Variants in RETREG1 observed in about 807,000 individuals in gnomAD.
RETREG1 encodes reticulophagy regulator 1.
RETREG1 carries 44 observed loss-of-function variants against 54.8 expected under a neutral mutation model. That is an observed-to-expected ratio of 0.80 (90% CI 0.63 to 1.03). RETREG1 has a LOEUF of 1.03. RETREG1 is among the 50% of genes least tolerant of loss of function. RETREG1 has a pLI of 0.00. For synonymous variants in RETREG1, 217 were observed against 238.5 expected (o/e 0.91, Z 0.83); for missense variants, 554 against 605.1 (o/e 0.92, Z 0.89).
chr5:16,578,169 T>C (rs1293400431), intron 1 of RETREG1, among the ~76,000 whole-genome samples: 3 of 152,206 alleles, frequency 2.0e-5, no homozygotes, highest in African/African-American at 7.2e-5. Context: ...GATAATAAAG[T>C]ACTTCAAAGG....
chr5:16,615,163 C>T (rs1224929748), intron 1 of RETREG1, among the ~76,000 whole-genome samples: 1 of 151,824 alleles, frequency 6.6e-6, no homozygotes. Flanking sequence ...TTTGGGAGGC[C>T]GAGGCGGACG....
At chr5:16,604,609 G>A (rs1447897632) in intron 1 of RETREG1, among the ~76,000 whole-genome samples, 1 of 152,120 alleles carries the variant, frequency 6.6e-6, no homozygotes, top group Non-Finnish European at 1.5e-5. Flanking sequence ...TCATCTTTCA[G>A]GTGAAAGGTC....
At chr5:16,510,760 A>C (rs1740144875) in intron 3 of RETREG1, among the ~76,000 whole-genome samples, 1 of 146,244 alleles carries the variant, frequency 6.8e-6, no homozygotes, top group Non-Finnish European at 1.5e-5. Context: ...ACTGCACTCC[A>C]GTCTAGGTGA....
chr5:16,616,616 C>T, intron 1 of RETREG1, 36 bp downstream of exon 1: 1 of 1,557,528 alleles, frequency 6.4e-7, no homozygotes, highest in Non-Finnish European at 8.6e-7. Flanking sequence ...AGGTCACCTG[C>T]CCTCCTCAGC....
intron 3 of RETREG1, among the ~76,000 whole-genome samples, chr5:16,547,161 G>A (rs955831366): frequency 1.8e-4 from 27 of 152,218 alleles, no homozygotes; most frequent in Non-Finnish European, 1.5e-5. Context: ...CCACAGGGAA[G>A]GTGGCCCCAA....
intron 8 of RETREG1, among the ~76,000 whole-genome samples, chr5:16,476,021 T>C (rs1738523910): frequency 6.6e-6 from 1 of 152,200 alleles, no homozygotes; most frequent in African/African-American, 2.4e-5. Flanking sequence ...TGAGATGGGA[T>C]GCTTAAGAAC....
chr5:16,615,412 A>AAAAAAG (rs1554026582), intron 1 of RETREG1, among the ~76,000 whole-genome samples: 4 of 150,204 alleles, frequency 2.7e-5, no homozygotes, highest in East Asian at 1.9e-4. Context: ...AAAAAAAAAA[A>AAAAAAG]AAAGAAAGAA....
intron 3 of RETREG1, among the ~76,000 whole-genome samples, chr5:16,520,925 A>G (rs1740516124): frequency 6.6e-6 from 1 of 152,104 alleles, no homozygotes; most frequent in South Asian, 2.1e-4. Context: ...GGAGAGGGAC[A>G]GGGGGCAGTT....
intron 3 of RETREG1, among the ~76,000 whole-genome samples, chr5:16,505,122 C>T (rs904137149): frequency 5.3e-5 from 8 of 152,132 alleles, no homozygotes; most frequent in Non-Finnish European, 7.3e-5. Context: ...CACAAATGTA[C>T]GGCAGCCCTA....
At chr5:16,524,093 G>A (rs1339455360) in intron 3 of RETREG1, among the ~76,000 whole-genome samples, 4 of 152,100 alleles carry the variant, frequency 2.6e-5, no homozygotes, top group African/African-American at 9.7e-5. Context: ...AAAGATGATG[G>A]CACTTCCTTC....
chr5:16,595,504 A>G (rs761557973), intron 1 of RETREG1, among the ~76,000 whole-genome samples: 1 of 152,240 alleles, frequency 6.6e-6, no homozygotes, highest in Non-Finnish European at 1.5e-5. Context: ...ATAACTTGTT[A>G]GTTACGAGCA....
At chr5:16,515,277 G>C (rs1740312391) in intron 3 of RETREG1, among the ~76,000 whole-genome samples, 1 of 152,128 alleles carries the variant, frequency 6.6e-6, no homozygotes, top group East Asian at 1.9e-4. Flanking sequence ...CAAGAAACAA[G>C]TGCAAAGAAT....
At chr5:16,485,343 T>G (rs917699651) in intron 3 of RETREG1, among the ~76,000 whole-genome samples, 2 of 152,178 alleles carry the variant, frequency 1.3e-5, no homozygotes, top group African/African-American at 4.8e-5. Context: ...ATGGAAGGAT[T>G]TGTTATTTTC....
chr5:16,547,550 T>A (rs182975707), intron 3 of RETREG1, among the ~76,000 whole-genome samples: 2 of 152,176 alleles, frequency 1.3e-5, no homozygotes, highest in South Asian at 4.1e-4. Flanking sequence ...CAAAAATAAA[T>A]AACTTATGTT....
At chr5:16,611,795 G>T (rs189351996) in intron 1 of RETREG1, among the ~76,000 whole-genome samples, 34 of 152,234 alleles carry the variant, frequency 2.2e-4, no homozygotes, top group African/African-American at 7.9e-4. Flanking sequence ...AGTAAGCAAA[G>T]CCAGACACAA....
intron 3 of RETREG1, chr5:16,508,574 T>C: frequency 6.2e-7 from 1 of 1,613,898 alleles, no homozygotes; most frequent in Non-Finnish European, 8.5e-7. Flanking sequence ...TATATCACAA[T>C]TACCTTTTGC....
intron 3 of RETREG1, among the ~76,000 whole-genome samples, chr5:16,528,669 TA>T (rs1740810617): frequency 6.6e-6 from 1 of 152,208 alleles, no homozygotes; most frequent in African/African-American, 2.4e-5. Flanking sequence ...AAGTTATATG[TA>T]ACTTTGATCC....
chr5:16,494,390 G>C (rs78772619), intron 3 of RETREG1, among the ~76,000 whole-genome samples: 2,842 of 152,294 alleles, frequency 0.019, 34 homozygotes, highest in Non-Finnish European at 0.031. Context: ...TCAAATTGTA[G>C]TCCCAAGTGT....
At chr5:16,491,732 G>A (rs1739253668) in intron 3 of RETREG1, among the ~76,000 whole-genome samples, 1 of 152,060 alleles carries the variant, frequency 6.6e-6, no homozygotes, top group Non-Finnish European at 1.5e-5. Context: ...TAGCTAATTA[G>A]GAAATACGGG....
Sources: allele counts gnomAD v4.1 joint callset (sites outside exome capture counted in the v4.1 genomes callset), GRCh38; gene constraint gnomAD v4.1.1; transcripts MANE v1.5; gene names NCBI Gene and HGNC (gene_info 2026-07-23, HGNC 2026-07-21).